Variants in ARHGEF10L observed in about 807,000 individuals in gnomAD.
ARHGEF10L encodes the protein Rho guanine nucleotide exchange factor 10 like.
A neutral mutation model predicts 141.2 loss-of-function variants in ARHGEF10L; 69 were observed. The ratio of observed to expected loss-of-function variants is 0.49; its 90% CI spans 0.40 to 0.60. ARHGEF10L has a LOEUF of 0.60. Ranked by LOEUF, ARHGEF10L falls within the 20% of genes least tolerant of loss-of-function variation. ARHGEF10L has a pLI of 0.00. For synonymous variants in ARHGEF10L, 711 were observed against 718.5 expected (o/e 0.99, Z 0.17); for missense variants, 1,482 against 1,734.3 (o/e 0.85, Z 2.58).
At chr1:17,665,092 C>G (rs2062887412) in intron 26 of ARHGEF10L, among the ~76,000 whole-genome samples, 1 of 152,198 alleles carries the variant, frequency 6.6e-6, no homozygotes, top group Non-Finnish European at 1.5e-5. Flanking sequence ...CTGGCTCAGC[C>G]TAGGCCCGTG....
intron 21 of ARHGEF10L, 55 bp from the exon 22 acceptor site, chr1:17,648,499 C>T: frequency 6.3e-7 from 1 of 1,596,926 alleles, no homozygotes; most frequent in Non-Finnish European, 8.6e-7. Context: ...TCCTCATGGC[C>T]CAGTTGGTCC....
intron 15 of ARHGEF10L, among the ~76,000 whole-genome samples, chr1:17,630,835 A>T (rs1420314026): frequency 6.6e-6 from 1 of 152,210 alleles, no homozygotes; most frequent in Non-Finnish European, 1.5e-5. Context: ...CTTGAGAGAG[A>T]TGATGCTTTG....
chr1:17,634,982 C>A lies in ARHGEF10L; in HGVS notation c.1893C>A (p.Gly631=), dbSNP rs758570105. 1 of 1,614,084 alleles carries A rather than the reference C, an allele frequency of 6.2e-7. No homozygotes were observed. Among genetic ancestry groups the A allele is most frequent in the Non-Finnish European group, 8.5e-7 (1 of 1,179,962 alleles). Residue 631 remains glycine (G), a synonymous_variant, in exon 18 of 29, where the codon GGC becomes GGA. Transcript: ENST00000361221. The stretch of plus-strand genomic sequence containing the variant: ...ACAATGTGCTCATCCAGCACTCAGG[C>A]GCCAAGAAGGCCTCTGCCTCAGGGC... ...DKDNVLIQHS[G]AKKASASGQA...
At chr1:17,566,828 T>TG (rs2077775559) in intron 1 of ARHGEF10L, among the ~76,000 whole-genome samples, 1 of 152,174 alleles carries the variant, frequency 6.6e-6, no homozygotes, top group Non-Finnish European at 1.5e-5. Context: ...GAGTGCTTCC[T>TG]GGGGCACAAT....
intron 1 of ARHGEF10L, among the ~76,000 whole-genome samples, chr1:17,559,768 C>G (rs1053796328): frequency 6.6e-6 from 1 of 152,120 alleles, no homozygotes; most frequent in African/African-American, 2.4e-5. Flanking sequence ...GAACAAGGTG[C>G]TACAGGGGCA....
At chr1:17,614,484 A>G (rs1318315451) in intron 8 of ARHGEF10L, among the ~76,000 whole-genome samples, 2 of 152,316 alleles carry the variant, frequency 1.3e-5, no homozygotes, top group East Asian at 3.9e-4. Flanking sequence ...AGGGCCTCAG[A>G]TGATCCCTTG....
chr1:17,649,179 A>G (rs1312798110), intron 22 of ARHGEF10L, among the ~76,000 whole-genome samples: 1 of 152,188 alleles, frequency 6.6e-6, no homozygotes, highest in Non-Finnish European at 1.5e-5. Context: ...ATGTTTCTCT[A>G]TCCATTTCAC....
chr1:17,607,700 C>G lies in ARHGEF10L; in HGVS notation c.434-102C>G, dbSNP rs1406905265. 8.2e-7 allele frequency: 1 copy of G among 1,220,620 alleles called. No homozygotes were observed. The highest frequency in any genetic ancestry group is 3.1e-5 in the East Asian group (1 of 32,072). 75.6% of individuals were successfully genotyped at this position (1,220,620 alleles called of 1,614,324 possible). A position where few individuals can be genotyped will look rare whatever the true frequency, so the allele number is the denominator to read the frequency against. Reference sequence around the variant, plus strand: ...CCCAGGGCCCCCATGTTCTCCCTGACCCCCCCTCGCCCCACCTGGGTTCAG... The same window carrying G: ...CCCAGGGCCCCCATGTTCTCCCTGAGCCCCCCTCGCCCCACCTGGGTTCAG... On this transcript the variant is annotated intron_variant, in intron 6 of 28. Transcript: ENST00000361221. This position sits in a 1 kb window ranked among gnomAD's most constrained non-coding sequence, Gnocchi z 4.5.
At chr1:17,660,455 G>C (rs970619588) in intron 25 of ARHGEF10L, among the ~76,000 whole-genome samples, 1 of 152,176 alleles carries the variant, frequency 6.6e-6, no homozygotes, top group Non-Finnish European at 1.5e-5. Context: ...CAATTCCCAC[G>C]AGTGCCGCGA....
At chr1:17,678,157 G>C (rs1460428993) in intron 26 of ARHGEF10L, among the ~76,000 whole-genome samples, 1 of 152,200 alleles carries the variant, frequency 6.6e-6, no homozygotes, top group East Asian at 1.9e-4. Context: ...CTTGTACAGG[G>C]CAAGGTTGGA....
At chr1:17,571,074 G>T (rs534076724) in intron 1 of ARHGEF10L, among the ~76,000 whole-genome samples, 1 of 152,146 alleles carries the variant, frequency 6.6e-6, no homozygotes. Context: ...TCAAGGGCAG[G>T]ACAGGCTGGA....
At chr1:17,680,543 G>A (rs1014184736) in intron 26 of ARHGEF10L, among the ~76,000 whole-genome samples, 2 of 152,274 alleles carry the variant, frequency 1.3e-5, no homozygotes, top group South Asian at 2.1e-4. Context: ...GCAGGCTCAG[G>A]ACACACAGGT....
At chr1:17,694,401 C>CATTAAAAAA in intron 27 of ARHGEF10L, 1 of 158,588 alleles carries the variant, frequency 6.3e-6, no homozygotes, top group Admixed American at 5.9e-5. Context: ...GAGCCCTGTT[C>CATTAAAAAA]TCAGCCACCG....
At position 17,615,940 on chromosome 1, in the gene ARHGEF10L, C is replaced by G. The variant is rs899114764; in HGVS notation, c.727-154C>G. 1.5e-6 allele frequency: 1 copy of G among 652,884 alleles called. No homozygotes were observed. Among genetic ancestry groups the G allele is most frequent in the African/African-American group, 1.8e-5 (1 of 55,288 alleles). The allele number at this position is 652,884 out of a possible 1,614,324, so 40.4% of individuals were successfully genotyped here. A position where few individuals can be genotyped will look rare whatever the true frequency, so the allele number is the denominator to read the frequency against. On this transcript the variant is annotated intron_variant, in intron 8 of 28. Transcript: ENST00000361221. The surrounding 1 kb of genome is among the most constrained non-coding windows in gnomAD (Gnocchi z 4.7). ...CGGGCATGAACGCACCTTCTCACCC[C>G]CACTGTCGTCCTTGGCCTTTGCTCA...
intron 6 of ARHGEF10L, among the ~76,000 whole-genome samples, chr1:17,606,441 G>A (rs995625565): frequency 2.0e-5 from 3 of 151,502 alleles, no homozygotes; most frequent in East Asian, 3.9e-4. Context: ...CTACAGGTGC[G>A]TGCCACCACA....
At position 17,673,242 on chromosome 1, in the gene ARHGEF10L, C is replaced by T. The variant is rs995330038; in HGVS notation, c.3009+8647C>T. Among the ~76,000 whole-genome samples, 1 of 151,866 alleles carries T rather than the reference C, an allele frequency of 6.6e-6. No individual in the cohort carries two copies. The highest frequency in any genetic ancestry group is 2.1e-4 in the South Asian group (1 of 4,816). ...GGGGCAGTCCTGTCCTTGTGAGCCA[C>T]CCCCCAGTCTTAGCTGGTAGCAGCC... On this transcript the variant is annotated intron_variant, in intron 26 of 28. Transcript: ENST00000361221. The surrounding 1 kb of genome is among the most constrained non-coding windows in gnomAD (Gnocchi z 4.1).
chr1:17,602,325 C>G, intron 5 of ARHGEF10L, 107 bp downstream of exon 5: 1 of 1,310,456 alleles, frequency 7.6e-7, no homozygotes, highest in East Asian at 2.5e-5. Context: ...GCCCAGGGTT[C>G]ATCCTCACCG....
intron 1 of ARHGEF10L, among the ~76,000 whole-genome samples, chr1:17,565,901 T>C (rs12725975): frequency 0.33 from 50,814 of 152,026 alleles, 10,435 homozygotes; most frequent in Admixed American, 0.45. Flanking sequence ...TTGCGGATGC[T>C]GGGCCAGGTG....
At position 17,641,546 on chromosome 1, in the gene ARHGEF10L, C is replaced by A. The variant is rs569756967; in HGVS notation, c.2272+1244C>A. On this transcript the variant is annotated intron_variant, in intron 21 of 28. Transcript: ENST00000361221. ...GCCAAAGCAGGAGAATTGCTTGAATCCGGGAGTTCGAGTTTGCGGCGAGCC... is the reference window on the plus strand; with the variant it reads ...GCCAAAGCAGGAGAATTGCTTGAATACGGGAGTTCGAGTTTGCGGCGAGCC... Among the ~76,000 whole-genome samples, 5 of 152,074 alleles carry A rather than the reference C, an allele frequency of 3.3e-5. No homozygotes were observed. The East Asian group carries it at 5.8e-4, about 18-fold the overall frequency.
Sources: allele counts gnomAD v4.1 joint callset (sites outside exome capture counted in the v4.1 genomes callset), GRCh38; gene constraint gnomAD v4.1.1; non-coding constraint Gnocchi (gnomAD v3.1); transcripts MANE v1.5; gene names NCBI Gene and HGNC (gene_info 2026-07-23, HGNC 2026-07-21).